Variants in RNF17 observed in about 807,000 individuals in gnomAD.
RNF17 encodes the protein spermatogenesis associated 23.
RNF17 carries 31 observed loss-of-function variants against 200.5 expected under a neutral mutation model. The ratio of observed to expected loss-of-function variants is 0.15; its 90% CI spans 0.12 to 0.21. The LOEUF is 0.21. RNF17 is among the 10% of genes least tolerant of loss of function. RNF17 has a pLI of 1.00. For synonymous variants in RNF17, 606 were observed against 637.8 expected, an observed-to-expected ratio of 0.95 and a Z score of 0.75; for missense variants, 1,628 against 1,905.1, an observed-to-expected ratio of 0.85 and a Z score of 2.71.
At chr13:24,849,719 G>A (rs1424281816) in intron 22 of RNF17, among the ~76,000 whole-genome samples, 1 of 152,176 alleles carries the variant, frequency 6.6e-6, no homozygotes, top group Non-Finnish European at 1.5e-5. Context: ...CTAAATTTTA[G>A]TCATTTAAAA....
intron 24 of RNF17, among the ~76,000 whole-genome samples, chr13:24,851,856 C>G (rs1891928288): frequency 6.6e-6 from 1 of 152,142 alleles, no homozygotes; most frequent in Admixed American, 6.5e-5. Flanking sequence ...AAAAAGAGAA[C>G]AATGTAGTGG....
Position 24,843,991 on chromosome 13 carries a change from T to A in RNF17, c.2831+20T>A, listed in dbSNP as rs770162753. On this transcript the variant is annotated intron_variant, in intron 20 of 35. Coordinates refer to ENST00000255324, the MANE Select transcript of RNF17 (RefSeq NM_031277.3). ...TAATAGGTATAATATATATATATAA[T>A]ATATAAGGAAAATATTGCATATGAT... 4 of 676,132 alleles carry A rather than the reference T, an allele frequency of 5.9e-6. No homozygotes were observed. Among genetic ancestry groups the A allele is most frequent in the Non-Finnish European group, 8.8e-6 (4 of 455,602 alleles). The allele number at this position is 676,132 out of a possible 1,614,324, so 41.9% of individuals were successfully genotyped here.
Position 24,862,803 on chromosome 13 carries a change from A to T in RNF17, c.3975+10A>T, listed in dbSNP as rs778917873. ...GGACATTCACATTATGGTAATTTAA[A>T]GTATATATAGTTGTTATAAATTACT... On this transcript the variant is annotated intron_variant, in intron 28 of 35. Coordinates refer to ENST00000255324, the MANE Select transcript of RNF17 (RefSeq NM_031277.3). 1 of 1,435,578 alleles carries T rather than the reference A, an allele frequency of 7.0e-7. No individual in the cohort carries two copies. The highest frequency in any genetic ancestry group is 1.2e-5 in the South Asian group (1 of 85,428). The allele number at this position is 1,435,578 out of a possible 1,614,324, so 88.9% of individuals were successfully genotyped here.
chr13:24,861,178 C>T lies in RNF17; in HGVS notation c.3775-90C>T, dbSNP rs888420761. 1.1e-5 allele frequency: 12 copies of T among 1,122,440 alleles called. 1 individual carries two copies. In the South Asian group the frequency reaches 1.7e-4, roughly 16 times the overall value. The allele number at this position is 1,122,440 out of a possible 1,614,324, so 69.5% of individuals were successfully genotyped here. ...ATAGGCATGAGCCATCAAGCCCGGC[C>T]TGTCTTTTTTTCTAATAACAGGAAA... is the stretch of plus-strand genomic sequence containing the variant. On this transcript the variant is annotated intron_variant, in intron 26 of 35. Transcript: ENST00000255324.
In RNF17 at chr13:24,802,538, T is replaced by C. The variant is rs1365511624; in HGVS notation, c.1916T>C (p.Leu639Pro). ...ATAAGCAGTGATATGCCTGTGTCTC[T>C]TAGAGATGCGCTAGTTTTTATGGAA... ...NKISSDMPVSLRDALVFMELA... is the reference protein window; with the variant it reads ...NKISSDMPVSPRDALVFMELA... The change falls in exon 14 of 36, where the codon CTT (leucine) becomes CCT (proline). Residue 639 changes from leucine to proline, a missense_variant. Around this residue, in one of 5 missense-constraint regions of RNF17, gnomAD observed 289 missense variants for 384.9 expected, o/e 0.75. Transcript: ENST00000255324. 1 of 1,610,338 alleles carries C rather than the reference T, an allele frequency of 6.2e-7. No individual in the cohort carries two copies. Among genetic ancestry groups the C allele is most frequent in the African/African-American group, 1.3e-5 (1 of 74,698 alleles).
the RNF17 span, among the ~76,000 whole-genome samples, chr13:24,753,878 C>T: frequency 9.1e-4 from 138 of 152,164 alleles, 1 homozygote; most frequent in African/African-American, 1.5e-3. Context: ...GAAAACTGGC[C>T]GGGCGTGGTG....
At chr13:24,885,484 CATTT>C in the RNF17 span, 3 of 1,181,330 alleles carry the variant, frequency 2.5e-6, no homozygotes, top group African/African-American at 4.5e-5. Flanking sequence ...CAAAATATAA[CATTT>C]ATAATGTTAA....
intron 17 of RNF17, 124 bp downstream of exon 17, chr13:24,830,723 A>G (rs1889291859): frequency 1.4e-6 from 1 of 695,840 alleles, no homozygotes; most frequent in East Asian, 2.7e-5. Context: ...TACAGGGACT[A>G]TAGATAAATG....
intron 10 of RNF17, chr13:24,794,186 T>A (rs1010220417): frequency 2.2e-6 from 1 of 456,566 alleles, no homozygotes; most frequent in Non-Finnish European, 4.4e-6. Context: ...GGGAGACACC[T>A]AGATATCCAA....
intron 4 of RNF17, among the ~76,000 whole-genome samples, chr13:24,778,831 T>G (rs1881951062): frequency 6.6e-6 from 1 of 152,214 alleles, no homozygotes; most frequent in Admixed American, 6.5e-5. Context: ...CTGATAACTT[T>G]AAATAATGTA....
intron 15 of RNF17, among the ~76,000 whole-genome samples, chr13:24,824,004 G>A (rs1466823588): frequency 1.3e-5 from 2 of 152,122 alleles, no homozygotes; most frequent in Non-Finnish European, 2.9e-5. Context: ...TATAAGTTCT[G>A]GTCTGTTCCC....
intron 33 of RNF17, 37 bp downstream of exon 33, chr13:24,874,286 T>G (rs77531999): frequency 2.6e-6 from 2 of 782,214 alleles, no homozygotes; most frequent in Non-Finnish European, 3.6e-6. Context: ...ATTAGATTTC[T>G]TTTTTTTTAA....
At chr13:24,763,369 A>ATTTTTTTTTTTTTTTTTTTTTT (rs34750040), upstream of RNF17, among the ~76,000 whole-genome samples, 2 of 114,710 alleles carry the variant, frequency 1.7e-5, no homozygotes, top group Non-Finnish European at 3.5e-5. Flanking sequence ...CGTCCGGCTA[A>ATTTTTTTTTTTTTTTTTTTTTT]TTTTTTTTTT....
chr13:24,873,661 ATGTT>A, intron 32 of RNF17, among the ~76,000 whole-genome samples: 1 of 152,140 alleles, frequency 6.6e-6, no homozygotes, highest in Non-Finnish European at 1.5e-5. Context: ...TTCCAACTAT[ATGTT>A]TGTACCTATC....
chr13:24,820,688 G>A (rs1212208919), intron 15 of RNF17, among the ~76,000 whole-genome samples: 3 of 151,954 alleles, frequency 2.0e-5, no homozygotes, highest in East Asian at 1.9e-4. Flanking sequence ...ACCCCCCTTG[G>A]CCTCCCCAAA....
chr13:24,773,356 A>G (rs1160337344), intron 2 of RNF17, among the ~76,000 whole-genome samples: 4 of 152,242 alleles, frequency 2.6e-5, no homozygotes, highest in Admixed American at 1.3e-4. Flanking sequence ...TATACACCAC[A>G]GAATACTATG....
chr13:24,885,118 CAG>C, the RNF17 span, among the ~76,000 whole-genome samples: 1 of 152,250 alleles, frequency 6.6e-6, no homozygotes, highest in East Asian at 1.9e-4. Context: ...AAAGATCATA[CAG>C]AGATTGTATG....
intron 33 of RNF17, 130 bp downstream of exon 33, chr13:24,874,379 T>G: frequency 1.3e-6 from 1 of 757,522 alleles, no homozygotes. Context: ...GGAATTTTTT[T>G]CGTGTTAAAG....
chr13:24,824,412 TAAC>T (rs1312326211), intron 15 of RNF17: 2 of 398,630 alleles, frequency 5.0e-6, no homozygotes, highest in Admixed American at 4.4e-5. Context: ...TTAAATGAAA[TAAC>T]AAGATAAGGA....
Sources: gnomAD v4.1 joint callset for allele counts (sites outside exome capture counted in the v4.1 genomes callset) on GRCh38, gnomAD v4.1.1 for gene constraint, gnomAD v4.1.1 regional missense constraint, MANE v1.5 for transcripts, NCBI Gene and HGNC (gene_info 2026-07-23, HGNC 2026-07-21) for gene names.